The following LOXL2 variants were observed in gnomAD, a reference collection of about 807,000 sequenced individuals.
LOXL2 encodes lysyl oxidase homolog 2.
A neutral mutation model predicts 93.0 loss-of-function variants in LOXL2; 70 were observed. The observed-to-expected ratio is 0.75, with a 90% CI of 0.62 to 0.92. LOXL2 has a LOEUF of 0.92. Ranked by LOEUF, LOXL2 falls within the 40% of genes least tolerant of loss-of-function variation. The pLI, the probability that LOXL2 is intolerant of heterozygous loss-of-function variation, is 0.00. For synonymous variants in LOXL2, 438 were observed against 413.2 expected, an observed-to-expected ratio of 1.06 and a Z score of -0.73; for missense variants, 973 against 1,054.9, an observed-to-expected ratio of 0.92 and a Z score of 1.08.
At chr8:23,384,641 G>C (rs1298800052) in intron 1 of LOXL2, among the ~76,000 whole-genome samples, 3 of 152,162 alleles carry the variant, frequency 2.0e-5, no homozygotes, top group African/African-American at 7.2e-5. Flanking sequence ...GCGGCCGGGC[G>C]TGGTAGTTCA....
intron 2 of LOXL2, among the ~76,000 whole-genome samples, chr8:23,366,334 C>A (rs1804400437): frequency 6.6e-6 from 1 of 152,256 alleles, no homozygotes; most frequent in Non-Finnish European, 1.5e-5. Context: ...TCGCCCAGAG[C>A]AAGCTGCAGA....
intron 3 of LOXL2, among the ~76,000 whole-genome samples, chr8:23,355,134 G>A (rs1352444521): frequency 4.6e-5 from 7 of 151,114 alleles, no homozygotes; most frequent in Non-Finnish European, 8.8e-5. Flanking sequence ...TAGTAGAGAC[G>A]GGGTTTCACC....
chr8:23,317,414 C>T (rs1228782258), intron 8 of LOXL2, among the ~76,000 whole-genome samples: 2 of 152,124 alleles, frequency 1.3e-5, no homozygotes, highest in Non-Finnish European at 2.9e-5. Context: ...GCACACAACT[C>T]AGGTTGCCCA....
chr8:23,397,365 C>T (rs1280138838), intron 1 of LOXL2, among the ~76,000 whole-genome samples: 2 of 152,118 alleles, frequency 1.3e-5, no homozygotes, highest in African/African-American at 2.4e-5. Context: ...TTTTATGTTA[C>T]GTATATTTTA....
intron 11 of LOXL2, among the ~76,000 whole-genome samples, chr8:23,302,548 G>A (rs951043253): frequency 6.6e-5 from 10 of 152,016 alleles, no homozygotes; most frequent in Middle Eastern, 3.2e-3. Flanking sequence ...GGCAATTAGA[G>A]TGTAGGCCCA....
At chr8:23,308,708 C>T (rs1056229900) in intron 10 of LOXL2, among the ~76,000 whole-genome samples, 1 of 152,180 alleles carries the variant, frequency 6.6e-6, no homozygotes, top group African/African-American at 2.4e-5. Context: ...TGTGGTGGCT[C>T]TAGCCAGGTC....
chr8:23,313,793 A>G (rs1343302638), intron 9 of LOXL2, among the ~76,000 whole-genome samples: 1 of 151,802 alleles, frequency 6.6e-6, no homozygotes, highest in Non-Finnish European at 1.5e-5. Flanking sequence ...CTAAATTGAC[A>G]AATGGGATCT....
At chr8:23,317,235 A>G (rs13250587) in intron 8 of LOXL2, 121 bp from the exon 9 acceptor site, 811,279 of 1,118,630 alleles carry the variant, frequency 0.73, 296,772 homozygotes, top group Non-Finnish European at 0.75. Flanking sequence ...TTCAGATCGA[A>G]ACAGCACGGA....
chr8:23,398,235 G>A (rs540747197), intron 1 of LOXL2, among the ~76,000 whole-genome samples: 9 of 152,194 alleles, frequency 5.9e-5, no homozygotes, highest in African/African-American at 1.7e-4. Flanking sequence ...TTATCTTGTC[G>A]TAAGTGTATG....
At chr8:23,331,117 T>C (rs1215615507) in intron 5 of LOXL2, among the ~76,000 whole-genome samples, 2 of 152,166 alleles carry the variant, frequency 1.3e-5, no homozygotes, top group African/African-American at 4.8e-5. Flanking sequence ...CTTGTCACGG[T>C]GTCCCTTTTA....
intron 3 of LOXL2, among the ~76,000 whole-genome samples, chr8:23,346,550 T>A (rs1348219580): frequency 6.6e-6 from 1 of 152,208 alleles, no homozygotes; most frequent in Non-Finnish European, 1.5e-5. Flanking sequence ...TAAATGACAT[T>A]TCATATTTGC....
chr8:23,368,176 C>A lies in LOXL2; in HGVS notation c.176G>T (p.Arg59Leu), dbSNP rs1440188157. 1.2e-6 allele frequency: 2 copies of A among 1,614,126 alleles called. No individual in the cohort carries two copies. Among genetic ancestry groups the A allele is most frequent in the Admixed American group, 1.7e-5 (1 of 60,034 alleles). Residue 59 changes from arginine (R) to leucine (L), a missense_variant, in exon 2 of 14, where the codon CGC becomes CTC. Arg to Leu is a moderately radical substitution (Grantham distance 102). Coordinates refer to ENST00000389131, the MANE Select transcript of LOXL2 (RefSeq NM_002318.3). The part of the protein sequence containing the change: ...APANVAKIQL[R>L]LAGQKRKHSE... ...GTGCTTCCTCTTCTGCCCAGCCAGGCGCAGCTGAATCTTGGCCACGTTGGC... is the reference window on the plus strand; with the variant it reads ...GTGCTTCCTCTTCTGCCCAGCCAGGAGCAGCTGAATCTTGGCCACGTTGGC...
intron 1 of LOXL2, among the ~76,000 whole-genome samples, chr8:23,393,408 TG>T (rs1334026372): frequency 6.6e-6 from 1 of 152,234 alleles, no homozygotes; most frequent in African/African-American, 2.4e-5. Flanking sequence ...CATATATCTA[TG>T]GTCAATTGGT....
chr8:23,399,557 G>A (rs1340359832), intron 1 of LOXL2, among the ~76,000 whole-genome samples: 3 of 152,146 alleles, frequency 2.0e-5, no homozygotes, highest in Admixed American at 6.6e-5. Flanking sequence ...GCCCCCTCAC[G>A]ATGGTCCTGC....
intron 10 of LOXL2, among the ~76,000 whole-genome samples, chr8:23,308,806 G>C (rs1015892085): frequency 3.3e-5 from 5 of 152,078 alleles, no homozygotes; most frequent in Non-Finnish European, 1.5e-5. Flanking sequence ...AGCTGGAAGG[G>C]ACAGGCGAGG....
intron 1 of LOXL2, among the ~76,000 whole-genome samples, chr8:23,387,472 G>A (rs531835941): frequency 5.3e-5 from 8 of 152,264 alleles, no homozygotes; most frequent in African/African-American, 1.9e-4. Flanking sequence ...ACCCTTCCAG[G>A]AAAAACAGGC....
intron 4 of LOXL2, among the ~76,000 whole-genome samples, chr8:23,340,049 G>A (rs2117179918): frequency 6.6e-6 from 1 of 152,350 alleles, no homozygotes; most frequent in Non-Finnish European, 1.5e-5. Flanking sequence ...GAAGGAAAGA[G>A]ACAGTGCTGT....
At chr8:23,327,558 C>A (rs1271351671) in intron 6 of LOXL2, among the ~76,000 whole-genome samples, 1 of 152,104 alleles carries the variant, frequency 6.6e-6, no homozygotes, top group African/African-American at 2.4e-5. Context: ...CCCTGCTGGT[C>A]AAGGCTGAAA....
Position 23,389,569 on chromosome 8 carries a change from A to G in LOXL2, c.-84+14385T>C, listed in dbSNP as rs138062519. On this transcript the variant is annotated intron_variant, in intron 1 of 13. Transcript: ENST00000389131. ...ACTAACTGATTCCTAGTCAATAGCA[A>G]CAATTGTTTTTATTGCCAATAGCAA... Among the ~76,000 whole-genome samples, 1,398 of 152,328 alleles carry G rather than the reference A, an allele frequency of 9.2e-3. 12 individuals are homozygous for G. The highest frequency in any genetic ancestry group is 0.032 in the African/African-American group (1,324 of 41,568).
Sources: allele counts gnomAD v4.1 joint callset (sites outside exome capture counted in the v4.1 genomes callset), GRCh38; gene constraint gnomAD v4.1.1; transcripts MANE v1.5; gene names NCBI Gene and HGNC (gene_info 2026-07-23, HGNC 2026-07-21).